Variants in CCNA1 observed in about 807,000 individuals in gnomAD.
The protein encoded by CCNA1 is cyclin A1, also known as cyclin-A1.
A neutral mutation model predicts 54.1 loss-of-function variants in CCNA1; 23 were observed. The observed-to-expected ratio is 0.42, with a 90% confidence interval of 0.31 to 0.60. CCNA1 has a LOEUF of 0.60. CCNA1 is among the 20% of genes least tolerant of loss of function. The pLI, the probability that CCNA1 is intolerant of heterozygous loss-of-function variation, is 0.14. For missense variants in CCNA1, 450 were observed against 556.7 expected, an observed-to-expected ratio of 0.81 and a Z score of 1.93; for synonymous variants, 208 against 213.9, an observed-to-expected ratio of 0.97 and a Z score of 0.24.
intron 7 of CCNA1, among the ~76,000 whole-genome samples, chr13:36,441,580 G>A (rs142437867): frequency 9.2e-5 from 14 of 152,220 alleles, no homozygotes; most frequent in Non-Finnish European, 2.1e-4. Flanking sequence ...AAAAACCTAG[G>A]TCCAATTAGG....
intron 5 of CCNA1, 131 bp downstream of exon 5, chr13:36,438,998 A>G (rs571931472): frequency 2.9e-6 from 2 of 684,370 alleles, no homozygotes; most frequent in Non-Finnish European, 5.1e-6. Context: ...TTGATAAAAG[A>G]TCATCCTCTT....
intron 3 of CCNA1, 32 bp from the exon 4 acceptor site, chr13:36,438,035 A>G (rs1787026328): frequency 1.2e-6 from 2 of 1,605,126 alleles, no homozygotes; most frequent in Non-Finnish European, 1.7e-6. Context: ...TTTAAATTAA[A>G]TGAGTTATCT....
At chr13:36,441,341 CACA>C (rs1300084092) in intron 7 of CCNA1, 110 bp downstream of exon 7, 6 of 624,634 alleles carry the variant, frequency 9.6e-6, no homozygotes, top group Non-Finnish European at 1.7e-5. Flanking sequence ...GACAGCAGAC[CACA>C]ACATGCCACT....
rs148040137 is a variant in CCNA1, at chr13:36,436,064, C to T, written c.298-1565C>T. ...ACAATTACTTCCCTGGTTCAAATCC[C>T]TATTGTGTCTCACTTAGAATTTTCA... On this transcript the variant is annotated intron_variant, in intron 2 of 8. Coordinates refer to ENST00000255465, the MANE Select transcript of CCNA1 (RefSeq NM_003914.4). Among the ~76,000 whole-genome samples, 19 of 152,142 alleles carry T rather than the reference C, an allele frequency of 1.2e-4. No individual in the cohort carries two copies. In the East Asian group the frequency reaches 1.5e-3, roughly 12 times the overall value.
Position 36,432,647 on chromosome 13 carries a change from T to C in CCNA1, c.26T>C (p.Met9Thr). The C allele has an allele frequency of 6.2e-7, 1 of 1,606,600 alleles. No individual in the cohort carries two copies. The highest frequency in any genetic ancestry group is 8.5e-7 in the Non-Finnish European group (1 of 1,176,824). The change falls in exon 1 of 9, where the codon ATG becomes ACG. Residue 9 changes from methionine to threonine, a missense_variant. This residue lies in a region of CCNA1 where 103 missense variants were observed against 100.9 expected (regional missense o/e 1.02). The change abolishes an upstream ATG in the 5' untranslated region. Transcript: ENST00000255465. ...ATGGAGACCGGCTTTCCCGCAATCA[T>C]GTACCCTGGATCTTTTATTGGGGGC...
intron 7 of CCNA1, 43 bp downstream of exon 7, chr13:36,441,274 T>C (rs1428147630): frequency 8.2e-7 from 1 of 1,225,360 alleles, no homozygotes; most frequent in South Asian, 1.2e-5. Context: ...AAGGTCTATC[T>C]AGAATGGGCT....
intron 6 of CCNA1, among the ~76,000 whole-genome samples, chr13:36,440,724 C>CA (rs2137834700): frequency 6.6e-6 from 1 of 152,248 alleles, no homozygotes; most frequent in East Asian, 1.9e-4. Context: ...GAGATATTCC[C>CA]ACTGGTGCTG....
At position 36,432,631 on chromosome 13, in the gene CCNA1, G is replaced by A; in HGVS notation, c.10G>A (p.Gly4Ser). 2 of 1,593,716 alleles carry A rather than the reference G, an allele frequency of 1.3e-6. No homozygotes were observed. The change falls in exon 1 of 9, where the codon GGC becomes AGC. Residue 4 changes from glycine (G) to serine (S), a missense_variant. Gly to Ser is a moderately conservative substitution (Grantham distance 56). Transcript: ENST00000255465. ...CTGCTCGTCACTTGGGATGGAGACCGGCTTTCCCGCAATCATGTACCCTGG... is the reference window on the plus strand; with the variant it reads ...CTGCTCGTCACTTGGGATGGAGACCAGCTTTCCCGCAATCATGTACCCTGG...
chr13:36,442,785 A>T lies in CCNA1; in HGVS notation c.*120A>T, dbSNP rs1593328694. The T allele has an allele frequency of 2.5e-6, 2 of 807,838 alleles. No homozygotes were observed. Among genetic ancestry groups the T allele is most frequent in the East Asian group, 5.2e-5 (2 of 38,250 alleles). The allele number at this position is 807,838 out of a possible 1,614,324, so 50.0% of individuals were successfully genotyped here. On this transcript the variant is annotated 3_prime_UTR_variant, in exon 9 of 9. Coordinates refer to ENST00000255465, the MANE Select transcript of CCNA1 (RefSeq NM_003914.4). ...TTACAATATAGATGACATTTTAAAA[A>T]TGTAAATGAATTTAGTTTCCCTTAG...
chr13:36,432,704 C>T lies in CCNA1; in HGVS notation c.83C>T (p.Pro28Leu), dbSNP rs758461650. Residue 28 changes from proline (P) to leucine (L), a missense_variant, in exon 1 of 9, where the codon CCG (proline) becomes CTG (leucine). Transcript: ENST00000255465. ...GAAGAGTATCTCAGCTGGGAAGGACCGGGGCTCCCAGATTTCGTCTTCCAG... is the reference window on the plus strand; with the variant it reads ...GAAGAGTATCTCAGCTGGGAAGGACTGGGGCTCCCAGATTTCGTCTTCCAG... 5 of 1,611,630 alleles carry T rather than the reference C, an allele frequency of 3.1e-6. No individual in the cohort carries two copies. The highest frequency in any genetic ancestry group is 4.5e-5 in the East Asian group (2 of 44,840).
At position 36,433,157 on chromosome 13, in the gene CCNA1, C is replaced by T; in HGVS notation, c.233C>T (p.Pro78Leu). 4 of 1,614,186 alleles carry T rather than the reference C, an allele frequency of 2.5e-6. No homozygotes were observed. The highest frequency in any genetic ancestry group is 3.4e-6 in the Non-Finnish European group (4 of 1,180,034). Residue 78 changes from proline to leucine, a missense_variant, in exon 2 of 9, where the codon CCC becomes CTC. Transcript: ENST00000255465. Reference sequence around the variant, plus strand: ...ACCAGAGCCCCGCTGGGCCAGGATCCCCCGCAGAGGACAGTGCTAGGGCTG... The same window carrying T: ...ACCAGAGCCCCGCTGGGCCAGGATCTCCCGCAGAGGACAGTGCTAGGGCTG...
chr13:36,433,434 C>CG (rs1566169647), intron 2 of CCNA1, among the ~76,000 whole-genome samples: 22 of 97,046 alleles, frequency 2.3e-4, no homozygotes, highest in African/African-American at 6.7e-4. Flanking sequence ...TTCTTTCTTT[C>CG]TTTCTTTCGT....
At chr13:36,435,161 G>T (rs150069706) in intron 2 of CCNA1, among the ~76,000 whole-genome samples, 1 of 152,144 alleles carries the variant, frequency 6.6e-6, no homozygotes, top group East Asian at 1.9e-4. Context: ...GCATTATGTC[G>T]ATTAAAGTAA....
rs776235924 is a variant in CCNA1, at chr13:36,438,136, T to G, written c.614T>G (p.Val205Gly). ...GATATATCCAGTCTTGGCACAGATG[T>G]GATAAATGTGACTGAATATGCTGAA... Residue 205 changes from valine (V) to glycine (G), a missense_variant, in exon 4 of 9, where the codon GTG (valine) becomes GGG (glycine). This residue lies in a region of CCNA1 where 150 missense variants were observed against 219.7 expected (regional missense o/e 0.68). Coordinates refer to ENST00000255465, the MANE Select transcript of CCNA1 (RefSeq NM_003914.4). 1 of 1,613,652 alleles carries G rather than the reference T, an allele frequency of 6.2e-7. No individual in the cohort carries two copies. Among genetic ancestry groups the G allele is most frequent in the Non-Finnish European group, 8.5e-7 (1 of 1,179,622 alleles).
intron 8 of CCNA1, 32 bp from the exon 9 acceptor site, chr13:36,442,581 CT>C (rs2055888216): frequency 1.2e-6 from 2 of 1,610,346 alleles, no homozygotes. Flanking sequence ...AAGTCCTTGG[CT>C]TGTGCTGACC....
chr13:36,438,467 C>A (rs1350396404), intron 4 of CCNA1, among the ~76,000 whole-genome samples, 177 bp from the exon 5 acceptor site: 3 of 151,630 alleles, frequency 2.0e-5, no homozygotes, highest in Non-Finnish European at 4.4e-5. Context: ...AATTTGCTAA[C>A]CAATTACTTT....
intron 2 of CCNA1, 149 bp downstream of exon 2, chr13:36,433,370 T>TTTTCTTTCTTTCTTTCTTTCTTTCTTTC (rs201986317): frequency 3.2e-6 from 1 of 312,966 alleles, no homozygotes; most frequent in Non-Finnish European, 5.4e-6. Context: ...GATTGATTTA[T>TTTTCTTTCTTTCTTTCTTTCTTTCTTTC]TTTCTTTCTT....
chr13:36,438,249 A>G, intron 4 of CCNA1, 58 bp downstream of exon 4: 1 of 1,503,920 alleles, frequency 6.6e-7, no homozygotes, highest in Admixed American at 1.9e-5. Context: ...TTACTAAGAT[A>G]AATTATAAAC....
At position 36,440,008 on chromosome 13, in the gene CCNA1, T is replaced by C; in HGVS notation, c.923T>C (p.Val308Ala). 1 of 1,612,444 alleles carries C rather than the reference T, an allele frequency of 6.2e-7. No individual in the cohort carries two copies. The highest frequency in any genetic ancestry group is 8.5e-7 in the Non-Finnish European group (1 of 1,178,528). Residue 308 changes from valine to alanine, a missense_variant, in exon 6 of 9, where the codon GTA (valine) becomes GCA (alanine). This residue lies in a region of CCNA1 where 150 missense variants were observed against 219.7 expected (regional missense o/e 0.68). Coordinates refer to ENST00000255465, the MANE Select transcript of CCNA1 (RefSeq NM_003914.4). ...TATGAAGAGATATATCCTCCTGAAG[T>C]AGACGAGTTTGTCTATATCACCGAT...
Sources: gnomAD v4.1 joint callset for allele counts (sites outside exome capture counted in the v4.1 genomes callset) on GRCh38, gnomAD v4.1.1 for gene constraint, gnomAD v4.1.1 regional missense constraint, MANE v1.5 for transcripts, NCBI Gene and HGNC (gene_info 2026-07-23, HGNC 2026-07-21) for gene names.